Variants in SNTG1 observed in about 807,000 individuals in gnomAD.
SNTG1 encodes the protein syntrophin gamma 1.
SNTG1 carries 39 observed loss-of-function variants against 74.7 expected under a neutral mutation model. The observed-to-expected ratio is 0.52, with a 90% CI of 0.40 to 0.68. The LOEUF is 0.68. Ranked by LOEUF, SNTG1 falls within the 30% of genes least tolerant of loss-of-function variation. The pLI is 0.00. For synonymous variants in SNTG1, 254 were observed against 217.1 expected (o/e 1.17, Z -1.49); for missense variants, 685 against 609.5 (o/e 1.12, Z -1.30).
In SNTG1 at chr8:50,189,643, AG is replaced by A. The variant is rs1344976354; in HGVS notation, c.-28+17010del. On this transcript the variant is annotated intron_variant, in intron 2 of 18. Coordinates refer to ENST00000642720, the MANE Select transcript of SNTG1 (RefSeq NM_018967.5). Reference sequence around the variant, plus strand: ...GGAAAGTTAACAACATTCAAACTCCAGGTACCAAGTCTGCTGTAAGACCACA... The same window carrying A: ...GGAAAGTTAACAACATTCAAACTCCAGTACCAAGTCTGCTGTAAGACCACA... Among the ~76,000 whole-genome samples the A allele has an allele frequency of 4.9e-4, 74 of 152,188 alleles. 2 individuals are homozygous for A. Among genetic ancestry groups the A allele is most frequent in the African/African-American group, 1.8e-3 (73 of 41,460 alleles).
chr8:50,084,794 G>T (rs1822726182), intron 1 of SNTG1, among the ~76,000 whole-genome samples: 1 of 152,214 alleles, frequency 6.6e-6, no homozygotes, highest in Non-Finnish European at 1.5e-5. Flanking sequence ...TGCTGTTATT[G>T]TGGGAGTGTG....
At chr8:50,139,613 A>T (rs549795994) in intron 1 of SNTG1, among the ~76,000 whole-genome samples, 1 of 152,250 alleles carries the variant, frequency 6.6e-6, no homozygotes, top group African/African-American at 2.4e-5. Context: ...AAGACTAGAA[A>T]GACACATCAT....
intron 8 of SNTG1, among the ~76,000 whole-genome samples, chr8:50,495,693 C>G (rs1449210832): frequency 1.3e-5 from 2 of 152,158 alleles, no homozygotes; most frequent in Non-Finnish European, 2.9e-5. Context: ...AAATGCTTCT[C>G]TCTTAAGAAG....
intron 15 of SNTG1, among the ~76,000 whole-genome samples, chr8:50,670,318 G>A (rs1044965734): frequency 6.6e-6 from 1 of 151,442 alleles, no homozygotes; most frequent in Non-Finnish European, 1.5e-5. Flanking sequence ...AAAATCTCCT[G>A]AAGCTGATAA....
intron 11 of SNTG1, among the ~76,000 whole-genome samples, chr8:50,550,078 C>T (rs892488421): frequency 6.6e-6 from 1 of 152,154 alleles, no homozygotes; most frequent in Non-Finnish European, 1.5e-5. Context: ...TCTTCACTCT[C>T]ACTAATATAA....
At chr8:49,922,014 C>T (rs986811473) in intron 1 of SNTG1, among the ~76,000 whole-genome samples, 4 of 151,988 alleles carry the variant, frequency 2.6e-5, no homozygotes, top group African/African-American at 9.7e-5. Flanking sequence ...GCCTTCTCTG[C>T]TTTTCATGTT....
chr8:50,019,382 G>T (rs1816621987), intron 1 of SNTG1, among the ~76,000 whole-genome samples: 1 of 152,006 alleles, frequency 6.6e-6, no homozygotes, highest in South Asian at 2.1e-4. Context: ...AGTGTGCATA[G>T]GTTCCTGCAA....
chr8:50,462,796 CTTTTTTTTTTTTTTTT>C (rs869119447), intron 8 of SNTG1, among the ~76,000 whole-genome samples: 40 of 57,468 alleles, frequency 7.0e-4, no homozygotes, highest in Middle Eastern at 0.02. Context: ...AGGTTCTACT[CTTTTTTTTTTTTTTTT>C]TTTTTTTTTT....
In SNTG1 at chr8:50,704,759, G is replaced by T. The variant is rs1020949704; in HGVS notation, c.1191+7G>T. 7 of 1,613,814 alleles carry T rather than the reference G, an allele frequency of 4.3e-6. No homozygotes were observed. Among genetic ancestry groups the T allele is most frequent in the Non-Finnish European group, 5.9e-6 (7 of 1,179,946 alleles). On this transcript the variant is annotated splice_region_variant and intron_variant, in intron 16 of 18. Transcript: ENST00000642720. ...AGAAGTAGAACGGATACAGGTGAGA[G>T]TCTGTGGGACTGCAGGATGTGTGGC...
rs78726152 is a variant in SNTG1 at position 50,658,589 on chromosome 8, A to C, written c.967-3A>C. On this transcript the variant is annotated splice_polypyrimidine_tract_variant and splice_region_variant and intron_variant, in intron 14 of 18. Coordinates refer to ENST00000642720, the MANE Select transcript of SNTG1 (RefSeq NM_018967.5). ...TTAAACATTATTTTCTTATCTTTTA[A>C]AGGTGACCACCTGGGACTGGACGAG... The C allele has an allele frequency of 3.8e-3, 6,136 of 1,595,068 alleles. 185 individuals are homozygous for C. The African/African-American group carries it at 0.069, about 18-fold the overall frequency.
chr8:50,681,288 G>GT (rs144636909), intron 15 of SNTG1, among the ~76,000 whole-genome samples: 4,211 of 151,368 alleles, frequency 0.028, 168 homozygotes, highest in African/African-American at 0.092. Flanking sequence ...AGAGGATATA[G>GT]TTTTTTTTTA....
At chr8:50,679,388 G>T (rs1286860081) in intron 15 of SNTG1, among the ~76,000 whole-genome samples, 4 of 151,966 alleles carry the variant, frequency 2.6e-5, no homozygotes, top group African/African-American at 9.7e-5. Context: ...TATCTCAATG[G>T]TATATTATCT....
chr8:50,547,895 G>T (rs1994031), intron 11 of SNTG1, among the ~76,000 whole-genome samples: 1 of 151,992 alleles, frequency 6.6e-6, no homozygotes, highest in Non-Finnish European at 1.5e-5. Flanking sequence ...AAATGCCTTC[G>T]AGATGGCAGG....
At chr8:50,152,845 C>T (rs537778482) in intron 1 of SNTG1, among the ~76,000 whole-genome samples, 1 of 152,252 alleles carries the variant, frequency 6.6e-6, no homozygotes, top group Non-Finnish European at 1.5e-5. Flanking sequence ...ACATTTTTTC[C>T]TCCATTTCAA....
At chr8:50,242,484 T>C (rs957386866) in intron 2 of SNTG1, among the ~76,000 whole-genome samples, 1 of 141,516 alleles carries the variant, frequency 7.1e-6, no homozygotes, top group Non-Finnish European at 1.5e-5. Context: ...GCCAAAATCA[T>C]GCCACTGCTC....
intron 1 of SNTG1, among the ~76,000 whole-genome samples, chr8:50,005,085 T>G (rs1168958331): frequency 6.6e-6 from 1 of 152,114 alleles, no homozygotes; most frequent in Non-Finnish European, 1.5e-5. Context: ...TTGTATTATT[T>G]CTGTTACTAA....
intron 2 of SNTG1, among the ~76,000 whole-genome samples, chr8:50,253,705 A>ATGTATATATGGAATGGAATACTATTCAGC (rs2086749849): frequency 2.0e-5 from 3 of 152,026 alleles, no homozygotes; most frequent in African/African-American, 7.2e-5. Context: ...ATACACATAT[A>ATGTATATATGGAATGGAATACTATTCAGC]TGTATATATG....
At chr8:50,598,018 A>G (rs917701581) in intron 13 of SNTG1, among the ~76,000 whole-genome samples, 1 of 151,204 alleles carries the variant, frequency 6.6e-6, no homozygotes, top group African/African-American at 2.4e-5. Flanking sequence ...TGATGAGCAG[A>G]AGTTTTTTGT....
chr8:50,274,302 G>C (rs2087966086), intron 2 of SNTG1, among the ~76,000 whole-genome samples: 1 of 151,916 alleles, frequency 6.6e-6, no homozygotes, highest in Non-Finnish European at 1.5e-5. Flanking sequence ...GGCCAGGCTG[G>C]TCTCAAACTC....
Sources: gnomAD v4.1 joint callset for allele counts (sites outside exome capture counted in the v4.1 genomes callset) on GRCh38, gnomAD v4.1.1 for gene constraint, MANE v1.5 for transcripts, NCBI Gene and HGNC (gene_info 2026-07-23, HGNC 2026-07-21) for gene names.